Variants in CA10 observed in about 807,000 individuals in gnomAD.
CA10 encodes carbonic anhydrase 10 (inactive).
A neutral mutation model predicts 44.2 loss-of-function variants in CA10; 14 were observed. The observed-to-expected ratio is 0.32, with a 90% CI of 0.21 to 0.50. The LOEUF is 0.50. Ranked by LOEUF, CA10 falls within the 20% of genes least tolerant of loss-of-function variation. The pLI, the probability that CA10 is intolerant of heterozygous loss-of-function variation, is 0.99. For synonymous variants in CA10, 159 were observed against 141.6 expected (o/e 1.12, Z -0.87); for missense variants, 350 against 409.7 (o/e 0.85, Z 1.26).
chr17:51,965,359 T>C (rs1244954078), intron 2 of CA10, among the ~76,000 whole-genome samples: 1 of 151,892 alleles, frequency 6.6e-6, no homozygotes, highest in African/African-American at 2.4e-5. Context: ...GAGGAAGGAC[T>C]CTTCCCTGAC....
At chr17:51,832,806 C>T (rs1162248564) in intron 3 of CA10, among the ~76,000 whole-genome samples, 1 of 152,110 alleles carries the variant, frequency 6.6e-6, no homozygotes, top group African/African-American at 2.4e-5. Context: ...TTTTGAACAA[C>T]ACAAGAAAGG....
intron 2 of CA10, among the ~76,000 whole-genome samples, chr17:52,024,154 C>T (rs547984065): frequency 1.3e-5 from 2 of 152,172 alleles, no homozygotes; most frequent in South Asian, 4.1e-4. Flanking sequence ...ATTTTTAAAT[C>T]ATTTTATGCA....
intron 2 of CA10, among the ~76,000 whole-genome samples, chr17:51,939,263 T>C (rs1982986316): frequency 1.3e-5 from 2 of 152,136 alleles, no homozygotes; most frequent in African/African-American, 4.8e-5. Flanking sequence ...GCTACAGAAC[T>C]TCTACAGTTT....
intron 2 of CA10, among the ~76,000 whole-genome samples, chr17:52,042,404 A>G (rs1986795914): frequency 1.3e-5 from 2 of 151,940 alleles, no homozygotes; most frequent in African/African-American, 4.8e-5. Flanking sequence ...TAAAAAAAAC[A>G]TTTATCTAGA....
intron 4 of CA10, among the ~76,000 whole-genome samples, chr17:51,707,665 A>G (rs1249006959): frequency 1.8e-5 from 1 of 54,558 alleles, no homozygotes; most frequent in East Asian, 8.9e-4. Context: ...AGGAAAGTGG[A>G]TGAATATGTG....
chr17:51,660,198 A>G (rs1913948644), intron 4 of CA10, among the ~76,000 whole-genome samples: 1 of 152,232 alleles, frequency 6.6e-6, no homozygotes, highest in Non-Finnish European at 1.5e-5. Context: ...GAGAAATTGT[A>G]TTGGAAGGCA....
intron 2 of CA10, among the ~76,000 whole-genome samples, chr17:51,957,444 T>G (rs1260855206): frequency 6.6e-6 from 1 of 152,064 alleles, no homozygotes; most frequent in Admixed American, 6.6e-5. Context: ...TTTTTTTTTT[T>G]TGTAAAGAGA....
At chr17:52,012,533 G>A (rs957863945) in intron 2 of CA10, among the ~76,000 whole-genome samples, 3 of 152,042 alleles carry the variant, frequency 2.0e-5, no homozygotes, top group South Asian at 2.1e-4. Flanking sequence ...AGGGCCCTTA[G>A]ATATCTTTTA....
chr17:52,081,410 G>A (rs548286895), intron 1 of CA10, among the ~76,000 whole-genome samples: 1 of 152,166 alleles, frequency 6.6e-6, no homozygotes, highest in South Asian at 2.1e-4. Flanking sequence ...GGAGAGGCAG[G>A]CTAAAAATGA....
At chr17:52,030,492 A>G (rs1986433275) in intron 2 of CA10, among the ~76,000 whole-genome samples, 1 of 152,180 alleles carries the variant, frequency 6.6e-6, no homozygotes, top group Admixed American at 6.5e-5. Flanking sequence ...AGGAGGCACA[A>G]ATGGGATTCC....
At chr17:51,778,517 T>C (rs1055753301) in intron 3 of CA10, among the ~76,000 whole-genome samples, 3 of 152,216 alleles carry the variant, frequency 2.0e-5, no homozygotes, top group Admixed American at 2.0e-4. Context: ...GATTTAACAC[T>C]TTGCTAGTAG....
At chr17:51,802,373 T>C (rs1410944957) in intron 3 of CA10, among the ~76,000 whole-genome samples, 6 of 152,102 alleles carry the variant, frequency 3.9e-5, no homozygotes, top group Admixed American at 3.9e-4. Context: ...GAGCTCACTC[T>C]GCCATGCACT....
At chr17:51,990,646 T>G (rs1985008539) in intron 2 of CA10, among the ~76,000 whole-genome samples, 1 of 152,130 alleles carries the variant, frequency 6.6e-6, no homozygotes, top group Admixed American at 6.6e-5. Flanking sequence ...TTCATTCTAA[T>G]CAATCTAATT....
At chr17:51,990,224 C>T (rs1984991700) in intron 2 of CA10, among the ~76,000 whole-genome samples, 1 of 152,088 alleles carries the variant, frequency 6.6e-6, no homozygotes, top group Admixed American at 6.6e-5. Context: ...GCTAGGACTG[C>T]CCTTCCAGGT....
At chr17:51,879,868 C>T (rs1318322898) in intron 3 of CA10, among the ~76,000 whole-genome samples, 2 of 152,206 alleles carry the variant, frequency 1.3e-5, no homozygotes, top group Non-Finnish European at 2.9e-5. Context: ...TGACCAATGG[C>T]ACTCCTTGAG....
At chr17:51,847,154 G>C (rs1978531661) in intron 3 of CA10, among the ~76,000 whole-genome samples, 1 of 152,174 alleles carries the variant, frequency 6.6e-6, no homozygotes, top group African/African-American at 2.4e-5. Context: ...TCTCACATCA[G>C]CTGCACTGCA....
intron 1 of CA10, among the ~76,000 whole-genome samples, chr17:52,095,740 T>G (rs1034873074): frequency 6.6e-6 from 1 of 152,116 alleles, no homozygotes. Flanking sequence ...TAGCCTGGGT[T>G]TTGGTATATT....
At chr17:51,852,745 A>G (rs949098140) in intron 3 of CA10, among the ~76,000 whole-genome samples, 5 of 152,208 alleles carry the variant, frequency 3.3e-5, no homozygotes, top group Non-Finnish European at 7.3e-5. Context: ...TAAAATGAGA[A>G]TAAGAACTCC....
intron 3 of CA10, among the ~76,000 whole-genome samples, chr17:51,806,423 T>C (rs1339185539): frequency 2.0e-5 from 3 of 152,192 alleles, no homozygotes; most frequent in Admixed American, 2.0e-4. Flanking sequence ...TAATAATCTG[T>C]TTACATGTCT....
Sources: allele counts gnomAD v4.1 joint callset (sites outside exome capture counted in the v4.1 genomes callset), GRCh38; gene constraint gnomAD v4.1.1; transcripts MANE v1.5; gene names NCBI Gene and HGNC (gene_info 2026-07-23, HGNC 2026-07-21).